Variants in MBNL2 observed in about 807,000 individuals in gnomAD.
MBNL2 encodes muscleblind like splicing regulator 2.
A neutral mutation model predicts 41.9 loss-of-function variants in MBNL2; 17 were observed. That is an observed-to-expected ratio of 0.41 (90% CI 0.28 to 0.61). MBNL2 has a LOEUF of 0.61. Among genes scored for constraint, MBNL2 ranks in the 20% least tolerant of loss-of-function variants. The pLI is 0.35. For missense variants in MBNL2, 336 were observed against 505.6 expected (o/e 0.66, Z 3.22); for synonymous variants, 195 against 182.9 (o/e 1.07, Z -0.53).
intron 2 of MBNL2, among the ~76,000 whole-genome samples, chr13:97,278,170 C>T (rs924677441): frequency 7.0e-6 from 1 of 141,956 alleles, no homozygotes. Context: ...AGGAGAATCA[C>T]TTGAACCCAG....
At chr13:97,253,290 T>C (rs189404593) in intron 1 of MBNL2, among the ~76,000 whole-genome samples, 5 of 152,342 alleles carry the variant, frequency 3.3e-5, no homozygotes, top group African/African-American at 1.2e-4. Flanking sequence ...TATTAAACTC[T>C]GTGCTTGAAG....
the MBNL2 span, among the ~76,000 whole-genome samples, chr13:97,154,867 C>T: frequency 6.6e-6 from 1 of 151,692 alleles, no homozygotes; most frequent in African/African-American, 2.4e-5. Flanking sequence ...CTAAAATTCA[C>T]CTTGGCTGAA....
chr13:97,224,002 C>T (rs2041205303), intron 1 of MBNL2, among the ~76,000 whole-genome samples: 1 of 152,202 alleles, frequency 6.6e-6, no homozygotes, highest in African/African-American at 2.4e-5. Flanking sequence ...TATATTTTCG[C>T]CTGTCTTTTG....
chr13:97,279,383 C>G (rs2052878488), intron 2 of MBNL2, among the ~76,000 whole-genome samples: 1 of 152,222 alleles, frequency 6.6e-6, no homozygotes, highest in African/African-American at 2.4e-5. Flanking sequence ...GACTGCCTGA[C>G]CTGTGGCATC....
chr13:97,211,059 C>T, the MBNL2 span, among the ~76,000 whole-genome samples: 201 of 152,216 alleles, frequency 1.3e-3, no homozygotes, highest in South Asian at 5.2e-3. Context: ...CATGATCTGA[C>T]ACCCTATGAG....
chr13:97,194,368 A>G, the MBNL2 span, among the ~76,000 whole-genome samples: 1 of 152,334 alleles, frequency 6.6e-6, no homozygotes, highest in African/African-American at 2.4e-5. Context: ...CAAATGAATT[A>G]AACTTATTAA....
chr13:97,173,420 G>A, the MBNL2 span, among the ~76,000 whole-genome samples: 1 of 152,230 alleles, frequency 6.6e-6, no homozygotes, highest in African/African-American at 2.4e-5. Flanking sequence ...GGAGGCTGAA[G>A]GACTTAGTGC....
At chr13:97,388,811 A>T (rs1224301966) in intron 8 of MBNL2, among the ~76,000 whole-genome samples, 1 of 152,196 alleles carries the variant, frequency 6.6e-6, no homozygotes, top group Non-Finnish European at 1.5e-5. Flanking sequence ...AGGAAAAAAA[A>T]ATTTAATAAT....
At chr13:97,295,704 C>T (rs143815315) in intron 2 of MBNL2, among the ~76,000 whole-genome samples, 68 of 152,078 alleles carry the variant, frequency 4.5e-4, no homozygotes, top group Admixed American at 1.9e-3. Flanking sequence ...CAGGATAGGA[C>T]GATGAGAGCA....
chr13:97,329,362 C>T lies in MBNL2; in HGVS notation c.175-4914C>T, dbSNP rs146608022. Reference sequence around the variant, plus strand: ...AATATGAAATATAATAATCAGGGTGCGATTTAAATGTAGCATAAAGCATAA... The same window carrying T: ...AATATGAAATATAATAATCAGGGTGTGATTTAAATGTAGCATAAAGCATAA... On this transcript the variant is annotated intron_variant, in intron 2 of 8. Coordinates refer to ENST00000679496, the MANE Select transcript of MBNL2 (RefSeq NM_001382683.1). Among the ~76,000 whole-genome samples the T allele has an allele frequency of 4.7e-4, 72 of 152,144 alleles. 1 individual carries two copies. The East Asian group carries it at 0.011, about 23-fold the overall frequency.
At chr13:97,269,134 G>C (rs1027493736) in intron 1 of MBNL2, among the ~76,000 whole-genome samples, 1 of 152,204 alleles carries the variant, frequency 6.6e-6, no homozygotes, top group African/African-American at 2.4e-5. Context: ...CCCAAACATT[G>C]CCTAGGTTCT....
the MBNL2 span, among the ~76,000 whole-genome samples, chr13:97,202,090 T>C: frequency 6.6e-6 from 1 of 152,252 alleles, no homozygotes; most frequent in African/African-American, 2.4e-5. Context: ...TGTGGTTATA[T>C]TTTTTAAAGT....
At chr13:97,164,600 A>G in the MBNL2 span, among the ~76,000 whole-genome samples, 4 of 152,234 alleles carry the variant, frequency 2.6e-5, no homozygotes, top group South Asian at 4.1e-4. Flanking sequence ...AAATATCACT[A>G]TTGTGCTGTA....
chr13:97,211,507 G>A, the MBNL2 span, among the ~76,000 whole-genome samples: 1 of 152,244 alleles, frequency 6.6e-6, no homozygotes, highest in Non-Finnish European at 1.5e-5. Flanking sequence ...TTTAAGTATG[G>A]TTATTTCTTC....
rs561927913 is a variant in MBNL2, at chr13:97,253,799, T to C, written c.-604-21833T>C. 8.5e-5 allele frequency among the ~76,000 whole-genome samples: 13 copies of C among 152,262 alleles called. No homozygotes were observed. The South Asian group carries it at 2.1e-3, about 24-fold the overall frequency. ...ATACGTATTAATAAGTTCTTATTAA[T>C]ACTTATTACAATACAATGTTATATT... On this transcript the variant is annotated intron_variant, in intron 1 of 8. Transcript: ENST00000679496.
chr13:97,325,604 C>A (rs2059847223), intron 2 of MBNL2, among the ~76,000 whole-genome samples: 2 of 152,246 alleles, frequency 1.3e-5, no homozygotes, highest in South Asian at 4.1e-4. Flanking sequence ...GTGGTAAGCA[C>A]CTGTAGTCCC....
At chr13:97,342,039 CCAAA>C (rs1198069362) in intron 3 of MBNL2, among the ~76,000 whole-genome samples, 1 of 152,108 alleles carries the variant, frequency 6.6e-6, no homozygotes, top group East Asian at 1.9e-4. Flanking sequence ...TAACAACCAA[CCAAA>C]CAAATGAAAA....
At chr13:97,193,129 C>T in the MBNL2 span, among the ~76,000 whole-genome samples, 1 of 152,172 alleles carries the variant, frequency 6.6e-6, no homozygotes, top group Non-Finnish European at 1.5e-5. Flanking sequence ...TGCAAAGGGT[C>T]AGACTTAATG....
At chr13:97,228,062 T>A (rs943067722) in intron 1 of MBNL2, among the ~76,000 whole-genome samples, 2 of 152,226 alleles carry the variant, frequency 1.3e-5, no homozygotes, top group Non-Finnish European at 2.9e-5. Context: ...CTAAGCCTGT[T>A]ACAGGGAGTT....
Sources: allele counts gnomAD v4.1 joint callset (sites outside exome capture counted in the v4.1 genomes callset), GRCh38; gene constraint gnomAD v4.1.1; transcripts MANE v1.5; gene names NCBI Gene and HGNC (gene_info 2026-07-23, HGNC 2026-07-21).